The following HSD17B3 variants were observed in gnomAD, a reference collection of about 807,000 sequenced individuals.
HSD17B3 encodes hydroxysteroid 17-beta dehydrogenase 3, also known as 17-beta-hydroxysteroid dehydrogenase type 3.
HSD17B3 carries 29 observed loss-of-function variants against 41.1 expected under a neutral mutation model. That is an observed-to-expected ratio of 0.71 (90% CI 0.53 to 0.96). HSD17B3 has a LOEUF of 0.96. Ranked by LOEUF, HSD17B3 falls within the 40% of genes least tolerant of loss-of-function variation. The pLI, the probability that HSD17B3 is intolerant of heterozygous loss-of-function variation, is 0.00. For synonymous variants in HSD17B3, 126 were observed against 145.6 expected (o/e 0.87, Z 0.97); for missense variants, 323 against 374.6 (o/e 0.86, Z 1.14).
At chr9:96,259,629 G>C (rs1218587838) in intron 2 of HSD17B3, among the ~76,000 whole-genome samples, 1 of 152,000 alleles carries the variant, frequency 6.6e-6, no homozygotes, top group African/African-American at 2.4e-5. Flanking sequence ...GCTGAGGCAG[G>C]AGAATTACTT....
At chr9:96,284,456 A>G (rs1038259345) in intron 2 of HSD17B3, among the ~76,000 whole-genome samples, 2 of 152,236 alleles carry the variant, frequency 1.3e-5, no homozygotes, top group African/African-American at 4.8e-5. Context: ...TAATGACAGT[A>G]TAGCTATTTG....
At chr9:96,285,231 G>A (rs1474568859) in intron 2 of HSD17B3, among the ~76,000 whole-genome samples, 3 of 152,158 alleles carry the variant, frequency 2.0e-5, no homozygotes, top group African/African-American at 7.2e-5. Context: ...AAGCAAATCA[G>A]TCTTACCATG....
chr9:96,301,695 A>G (rs1452229923), intron 1 of HSD17B3, among the ~76,000 whole-genome samples: 4 of 140,502 alleles, frequency 2.8e-5, no homozygotes, highest in African/African-American at 1.1e-4. Flanking sequence ...CGGGCAACAG[A>G]GTGAGACTCT....
rs553718854 is a variant in HSD17B3, at chr9:96,247,696, C to T, written c.490-1106G>A. 5.9e-5 allele frequency among the ~76,000 whole-genome samples: 9 copies of T among 152,358 alleles called. No individual in the cohort carries two copies. In the South Asian group the frequency reaches 1.9e-3, roughly 32 times the overall value. ...TATGAGCCTTGTCAGCCAGCACCCA[C>T]ATTGCCTCGAAGCCTCCCGAATGAA... On this transcript the variant is annotated intron_variant, in intron 6 of 10. Coordinates refer to ENST00000375263, the MANE Select transcript of HSD17B3 (RefSeq NM_000197.2).
intron 2 of HSD17B3, among the ~76,000 whole-genome samples, chr9:96,270,085 G>A (rs1246139889): frequency 6.6e-6 from 1 of 152,108 alleles, no homozygotes; most frequent in East Asian, 1.9e-4. Flanking sequence ...GTCGGGGTGA[G>A]GGAAGGTAAA....
At chr9:96,256,818 A>T (rs1825679552) in intron 2 of HSD17B3, among the ~76,000 whole-genome samples, 1 of 151,554 alleles carries the variant, frequency 6.6e-6, no homozygotes, top group African/African-American at 2.4e-5. Flanking sequence ...AAAAACACTG[A>T]TTCCCACCAA....
At chr9:96,266,368 G>A (rs1396996354) in intron 2 of HSD17B3, among the ~76,000 whole-genome samples, 1 of 152,118 alleles carries the variant, frequency 6.6e-6, no homozygotes. Context: ...GACCTCCTGG[G>A]CTTAAGTGAT....
intron 2 of HSD17B3, among the ~76,000 whole-genome samples, chr9:96,285,245 T>C (rs960957104): frequency 9.2e-5 from 14 of 152,244 alleles, no homozygotes; most frequent in African/African-American, 3.4e-4. Flanking sequence ...TACCATGATT[T>C]GTCTTTACTA....
At chr9:96,291,354 C>T (rs1827149668) in intron 2 of HSD17B3, among the ~76,000 whole-genome samples, 1 of 149,102 alleles carries the variant, frequency 6.7e-6, no homozygotes, top group African/African-American at 2.5e-5. Flanking sequence ...AACCCCACCC[C>T]CACCCAACAG....
Position 96,244,383 on chromosome 9 carries a change from G to T in HSD17B3, c.618C>A (p.Cys206Ter), listed in dbSNP as rs368690398. The T allele has an allele frequency of 6.2e-7, 1 of 1,613,952 alleles. No individual in the cohort carries two copies. The highest frequency in any genetic ancestry group is 8.5e-7 in the Non-Finnish European group (1 of 1,180,000). The change falls in exon 9 of 11, where the codon TGC becomes TGA. Residue 206 changes from cysteine (C) to a stop codon, truncating the protein, a stop_gained. Transcript: ENST00000375263. LOFTEE classifies it high-confidence loss of function. ...SMYSASKAFV[C>*]AFSKALQEEY... ...CCTCTTGCAGGGCCTTGGAAAATGC[G>T]CACACAAACGCCTGGAGCAAGAAGG...
At chr9:96,290,456 C>CTT (rs61373611) in intron 2 of HSD17B3, among the ~76,000 whole-genome samples, 6,368 of 78,506 alleles carry the variant, frequency 0.081, 654 homozygotes, top group African/African-American at 0.21. Context: ...ATTTCCTGGG[C>CTT]TTTTTTTTTT....
At chr9:96,246,881 T>C (rs1201343428) in intron 6 of HSD17B3, among the ~76,000 whole-genome samples, 1 of 152,136 alleles carries the variant, frequency 6.6e-6, no homozygotes, top group Non-Finnish European at 1.5e-5. Flanking sequence ...ATTGGGGGAA[T>C]TGGCTTACAG....
chr9:96,236,334 T>C (rs986125787), intron 10 of HSD17B3, among the ~76,000 whole-genome samples: 4 of 151,322 alleles, frequency 2.6e-5, no homozygotes, highest in African/African-American at 7.3e-5. Flanking sequence ...CTGGCCAACA[T>C]GGTGAAACCC....
intron 10 of HSD17B3, among the ~76,000 whole-genome samples, chr9:96,237,764 T>C (rs563771641): frequency 7.9e-5 from 12 of 152,364 alleles, no homozygotes; most frequent in African/African-American, 2.9e-4. Flanking sequence ...CTCCTTTTCC[T>C]GGTCTGTTCT....
intron 6 of HSD17B3, among the ~76,000 whole-genome samples, chr9:96,248,909 T>A (rs1028530887): frequency 1.4e-5 from 2 of 140,904 alleles, no homozygotes; most frequent in African/African-American, 5.8e-5. Context: ...CCACAGCCAT[T>A]TTTTTTTTTT....
At chr9:96,248,481 G>A (rs1184437029) in intron 6 of HSD17B3, among the ~76,000 whole-genome samples, 3 of 152,178 alleles carry the variant, frequency 2.0e-5, no homozygotes, top group Non-Finnish European at 4.4e-5. Flanking sequence ...TGAGCCTTCT[G>A]CTAGTCTCCA....
intron 2 of HSD17B3, among the ~76,000 whole-genome samples, chr9:96,262,229 CTTTTTTTTTTTTTTTT>C (rs71368240): frequency 7.4e-5 from 4 of 54,166 alleles, no homozygotes; most frequent in Admixed American, 3.4e-4. Flanking sequence ...ATGTCAATTG[CTTTTTTTTTTTTTTTT>C]TTTTTTTTTT....
rs536802760 is a variant in HSD17B3 at position 96,251,140 on chromosome 9, G to A, written c.453+278C>T. ...AGGCAGAATTACCCTTTATAAAGTA[G>A]AGTGCAGCACCCCAGAAGCATAGGA... On this transcript the variant is annotated intron_variant, in intron 5 of 10. Transcript: ENST00000375263. The A allele has an allele frequency of 7.0e-5, 35 of 500,144 alleles. No individual in the cohort carries two copies. In the South Asian group the frequency reaches 1.1e-3, roughly 15 times the overall value. 31.0% of individuals were successfully genotyped at this position (500,144 alleles called of 1,614,324 possible). A position where few individuals can be genotyped will look rare whatever the true frequency, so the allele number is the denominator to read the frequency against.
In HSD17B3 at chr9:96,235,539, G is replaced by A; in HGVS notation, c.854C>T (p.Ala285Val). ...CCTTTGGAAGGCACCGCTGTAGAAG[G>A]CCCAGGCCGGGATCAGGCTCAGAAA... Reference protein sequence around the residue: ...AGFLSLIPAWAFYSGAFQRLL... With the variant: ...AGFLSLIPAWVFYSGAFQRLL... The change falls in exon 11 of 11, where the codon GCC becomes GTC. Residue 285 changes from alanine to valine, a missense_variant. Physicochemically the swap from Ala to Val is moderately conservative, Grantham distance 64. Coordinates refer to ENST00000375263, the MANE Select transcript of HSD17B3 (RefSeq NM_000197.2). 6.2e-7 allele frequency: 1 copy of A among 1,614,110 alleles called. No individual in the cohort carries two copies. The highest frequency in any genetic ancestry group is 1.1e-5 in the South Asian group (1 of 91,044).
Sources: allele counts gnomAD v4.1 joint callset (sites outside exome capture counted in the v4.1 genomes callset), GRCh38; gene constraint gnomAD v4.1.1; transcripts MANE v1.5; gene names NCBI Gene and HGNC (gene_info 2026-07-23, HGNC 2026-07-21).